ACOT7: variants seen among roughly 807,000 people sequenced by gnomAD.
ACOT7 encodes the protein acyl-CoA thioesterase 7.
In ACOT7, 12 loss-of-function variants were observed where a neutral mutation model predicts 40.2. The ratio of observed to expected loss-of-function variants is 0.30; its 90% CI spans 0.19 to 0.48. The LOEUF (loss-of-function observed/expected upper bound fraction) is 0.48. Among genes scored for constraint, ACOT7 ranks in the 20% least tolerant of loss-of-function variants. ACOT7 has a pLI of 0.99. For missense variants in ACOT7, 395 were observed against 530.8 expected (o/e 0.74, Z 2.51); for synonymous variants, 228 against 219.5 (o/e 1.04, Z -0.34).
At chr1:6,292,050 G>A (rs1179465857) in intron 7 of ACOT7, among the ~76,000 whole-genome samples, 1 of 152,198 alleles carries the variant, frequency 6.6e-6, no homozygotes, top group Non-Finnish European at 1.5e-5. Flanking sequence ...ACAATCCTCT[G>A]GAAAACAACA....
intron 1 of ACOT7, among the ~76,000 whole-genome samples, chr1:6,374,741 T>G (rs2148475771): frequency 6.6e-6 from 1 of 152,310 alleles, no homozygotes; most frequent in Admixed American, 6.5e-5. Context: ...GAGTTCTCCG[T>G]GGCTGGGACA....
chr1:6,307,462 G>T (rs540069856), intron 6 of ACOT7, among the ~76,000 whole-genome samples: 1 of 152,172 alleles, frequency 6.6e-6, no homozygotes, highest in African/African-American at 2.4e-5. Flanking sequence ...CAGGAGTGAT[G>T]GTGCCTTGGA....
At chr1:6,341,721 G>C (rs188848048) in intron 2 of ACOT7, among the ~76,000 whole-genome samples, 1 of 152,034 alleles carries the variant, frequency 6.6e-6, no homozygotes, top group East Asian at 1.9e-4. Context: ...CAGCCTGGGC[G>C]ACAGAGCGAG....
At chr1:6,304,871 G>A (rs1640082814) in intron 6 of ACOT7, among the ~76,000 whole-genome samples, 1 of 138,770 alleles carries the variant, frequency 7.2e-6, no homozygotes. Context: ...CCACAAAACT[G>A]CCATTGTCAT....
At chr1:6,329,895 G>A (rs967836205) in intron 4 of ACOT7, among the ~76,000 whole-genome samples, 12 of 152,052 alleles carry the variant, frequency 7.9e-5, no homozygotes, top group Non-Finnish European at 1.6e-4. Context: ...GGGGCCCCTC[G>A]GGCCCATCAC....
At position 6,288,155 on chromosome 1, in the gene ACOT7, ACT is replaced by A. The variant is rs1483535350; in HGVS notation, c.829+6707_829+6708del. Among the ~76,000 whole-genome samples, 1 of 151,526 alleles carries A rather than the reference ACT, an allele frequency of 6.6e-6. No individual in the cohort carries two copies. The highest frequency in any genetic ancestry group is 2.4e-5 in the African/African-American group (1 of 41,222). On this transcript the variant is annotated intron_variant, in intron 7 of 8. Transcript: ENST00000361521. The surrounding 1 kb of genome is among the most constrained non-coding windows in gnomAD (Gnocchi z 4.3). ...TTGCCTGGGGGGCGGAGGCTCTCCC[ACT>A]CTGTGGGTGCTACCGGGCTCCACGT...
intron 3 of ACOT7, among the ~76,000 whole-genome samples, chr1:6,337,334 C>T (rs1218553124): frequency 6.6e-6 from 1 of 152,234 alleles, no homozygotes; most frequent in Non-Finnish European, 1.5e-5. Flanking sequence ...GAGCCTCTCC[C>T]CCTCTCAGCC....
chr1:6,379,307 CGG>C (rs1557674251), intron 1 of ACOT7, among the ~76,000 whole-genome samples: 1 of 151,854 alleles, frequency 6.6e-6, no homozygotes, highest in East Asian at 1.9e-4. Context: ...CCAGCTGTGA[CGG>C]CAAGCAAGTA....
intron 1 of ACOT7, among the ~76,000 whole-genome samples, chr1:6,385,199 T>C (rs57187269): frequency 0.33 from 49,993 of 151,642 alleles, 12,922 homozygotes; most frequent in African/African-American, 0.71. Context: ...GCTGCTGGCT[T>C]GCAGGAGCCT....
intron 1 of ACOT7, among the ~76,000 whole-genome samples, chr1:6,372,322 T>A (rs747424349): frequency 4.6e-5 from 7 of 152,242 alleles, no homozygotes; most frequent in Admixed American, 6.5e-5. Context: ...ATGTTGTGGC[T>A]GATTTCATCT....
In ACOT7 at chr1:6,319,878, CG is replaced by C. The variant is rs1467770275; in HGVS notation, c.626-1301del. Among the ~76,000 whole-genome samples, 4 of 152,222 alleles carry C rather than the reference CG, an allele frequency of 2.6e-5. No homozygotes were observed. The South Asian group carries it at 6.2e-4, about 24-fold the overall frequency. On this transcript the variant is annotated intron_variant, in intron 5 of 8. Transcript: ENST00000361521. ...CCGCCCTGAGCCATCCACGAGGGTGCGAGGGCTGGTGAACATGGTCAGGCCA... is the reference window on the plus strand; with the variant it reads ...CCGCCCTGAGCCATCCACGAGGGTGCAGGGCTGGTGAACATGGTCAGGCCA...
chr1:6,285,169 G>A (rs1450672106), intron 7 of ACOT7, among the ~76,000 whole-genome samples: 3 of 152,172 alleles, frequency 2.0e-5, no homozygotes, highest in Non-Finnish European at 4.4e-5. Context: ...GGGGACCCAC[G>A]AGGGCTGGGG....
Position 6,268,857 on chromosome 1 carries a change from C to T in ACOT7, c.1015-4162G>A, listed in dbSNP as rs185369999. ...AATAGGAGTAACTTCCTACAGCTCTCGGCATCTTTACCAGAGATGTGACCA... is the reference window on the plus strand; with the variant it reads ...AATAGGAGTAACTTCCTACAGCTCTTGGCATCTTTACCAGAGATGTGACCA... On this transcript the variant is annotated intron_variant, in intron 8 of 8. Coordinates refer to ENST00000361521, the MANE Select transcript of ACOT7 (RefSeq NM_007274.4). Among the ~76,000 whole-genome samples the T allele has an allele frequency of 1.1e-3, 169 of 152,348 alleles. 5 individuals are homozygous for T. In the East Asian group the frequency reaches 0.025, roughly 23 times the overall value.
chr1:6,347,595 T>C (rs1190714487), intron 2 of ACOT7, among the ~76,000 whole-genome samples: 1 of 152,014 alleles, frequency 6.6e-6, no homozygotes, highest in Non-Finnish European at 1.5e-5. Flanking sequence ...TGAAACCCCA[T>C]CTCTACTAAA....
intron 1 of ACOT7, among the ~76,000 whole-genome samples, chr1:6,373,682 T>C (rs1252033816): frequency 6.6e-6 from 1 of 151,734 alleles, no homozygotes. Flanking sequence ...CTGACCAACA[T>C]GGTGAAACCC....
chr1:6,393,030 G>C (rs1642559925), intron 1 of ACOT7, among the ~76,000 whole-genome samples: 1 of 151,852 alleles, frequency 6.6e-6, no homozygotes, highest in Non-Finnish European at 1.5e-5. Context: ...TGGAGATGCG[G>C]CCAGGAGGAG....
chr1:6,277,567 G>T (rs78875774), intron 8 of ACOT7, among the ~76,000 whole-genome samples: 2,234 of 152,358 alleles, frequency 0.015, 30 homozygotes, highest in East Asian at 0.038. Context: ...CCTCGGGTGT[G>T]TCACTGTCCC....
chr1:6,323,042 A>T (rs1640691482), intron 5 of ACOT7, among the ~76,000 whole-genome samples: 1 of 152,094 alleles, frequency 6.6e-6, no homozygotes, highest in African/African-American at 2.4e-5. Context: ...AGGCAGGAGA[A>T]TCACTTGAAC....
At chr1:6,360,988 C>G (rs550585182) in intron 1 of ACOT7, among the ~76,000 whole-genome samples, 2 of 152,204 alleles carry the variant, frequency 1.3e-5, no homozygotes, top group Admixed American at 6.5e-5. Context: ...TATTTCCCAT[C>G]TAGTAAATTA....
Sources: allele counts gnomAD v4.1 joint callset (sites outside exome capture counted in the v4.1 genomes callset), GRCh38; gene constraint gnomAD v4.1.1; non-coding constraint Gnocchi (gnomAD v3.1); transcripts MANE v1.5; gene names NCBI Gene and HGNC (gene_info 2026-07-23, HGNC 2026-07-21).